The following SOS1 variants were observed in gnomAD, a reference collection of about 807,000 sequenced individuals.
SOS1 encodes son of sevenless homolog 1.
Under a neutral mutation model 157.6 loss-of-function variants are expected in SOS1, and 25 were observed. The ratio of observed to expected loss-of-function variants is 0.16; its 90% CI spans 0.12 to 0.22. The LOEUF (loss-of-function observed/expected upper bound fraction) is 0.22. SOS1 is among the 10% of genes least tolerant of loss of function. The pLI is 1.00. For synonymous variants in SOS1, 528 were observed against 534.0 expected (o/e 0.99, Z 0.16); for missense variants, 1,237 against 1,599.1 (o/e 0.77, Z 3.86).
Position 38,982,735 on chromosome 2 carries a change from G to C in SOS1, c.*3089C>G, listed in dbSNP as rs551049140. 1 of 152,134 alleles carries C rather than the reference G, an allele frequency of 6.6e-6. No homozygotes were observed. The highest frequency in any genetic ancestry group is 1.9e-4 in the East Asian group (1 of 5,178). 9.4% of individuals were successfully genotyped at this position (152,134 alleles called of 1,614,324 possible). ...CTGAATTTAAGCTGTCATATTAGAA[G>C]ACAAACAATGAAATACAAGATTAAG... On this transcript the variant is annotated 3_prime_UTR_variant, in exon 23 of 23. Coordinates refer to ENST00000402219, the MANE Select transcript of SOS1 (RefSeq NM_005633.4).
rs116212720 is a variant in SOS1, at chr2:39,048,752, T to C, written c.864+2392A>G. Among the ~76,000 whole-genome samples the C allele has an allele frequency of 6.3e-3, 956 of 152,290 alleles. 19 individuals carry two copies. The highest frequency in any genetic ancestry group is 0.022 in the African/African-American group (913 of 41,556). On this transcript the variant is annotated intron_variant, in intron 6 of 22. Transcript: ENST00000402219. ...TTCTATAGTTTCACTGCCATGTTTTTAGCTGTGTGTTTATTTTTATTTGTC... is the reference window on the plus strand; with the variant it reads ...TTCTATAGTTTCACTGCCATGTTTTCAGCTGTGTGTTTATTTTTATTTGTC...
intron 6 of SOS1, among the ~76,000 whole-genome samples, chr2:39,038,710 GC>G (rs1670442990): frequency 6.5e-5 from 1 of 15,406 alleles, no homozygotes; most frequent in African/African-American, 2.5e-4. Context: ...CTCCAGCCTG[GC>G]AACAAAATGA....
chr2:38,995,433 G>C (rs1277928224), intron 19 of SOS1, 46 bp from the exon 20 acceptor site: 6 of 1,531,564 alleles, frequency 3.9e-6, no homozygotes, highest in Non-Finnish European at 5.4e-6. Flanking sequence ...CACTGTAGTA[G>C]AAAGGAAAGT....
chr2:39,063,655 T>C (rs1222628351), intron 2 of SOS1, among the ~76,000 whole-genome samples: 1 of 152,202 alleles, frequency 6.6e-6, no homozygotes, highest in Non-Finnish European at 1.5e-5. Flanking sequence ...GCAAAACATG[T>C]ATGCAATCTA....
chr2:39,086,084 T>G (rs1453457571), intron 1 of SOS1, among the ~76,000 whole-genome samples: 1 of 152,176 alleles, frequency 6.6e-6, no homozygotes, highest in Non-Finnish European at 1.5e-5. Context: ...TTGCCAATCT[T>G]TAATAAACGT....
chr2:38,984,974 A>G lies in SOS1; in HGVS notation c.*850T>C, dbSNP rs939704775. ...ACGAGCCATGACATGGACTACCAGT[A>G]AACTTCTGTGGGAGAAGGAGGGAAA... On this transcript the variant is annotated 3_prime_UTR_variant, in exon 23 of 23. Coordinates refer to ENST00000402219, the MANE Select transcript of SOS1 (RefSeq NM_005633.4). 2 of 152,200 alleles carry G rather than the reference A, an allele frequency of 1.3e-5. No individual in the cohort carries two copies. The highest frequency in any genetic ancestry group is 4.1e-4 in the South Asian group (2 of 4,832). The allele number at this position is 152,200 out of a possible 1,614,324, so 9.4% of individuals were successfully genotyped here.
rs189167659 is a variant in SOS1, at chr2:39,070,880, T to G, written c.88-3127A>C. Among the ~76,000 whole-genome samples the G allele has an allele frequency of 5.1e-3, 772 of 152,316 alleles. 3 individuals carry two copies. The highest frequency in any genetic ancestry group is 0.02 in the Middle Eastern group (6 of 294). ...CCTCTATTTATTGTATTTGTTTATTTGAGATGGAGTCTCGCTCTGTCACTC... is the reference window on the plus strand; with the variant it reads ...CCTCTATTTATTGTATTTGTTTATTGGAGATGGAGTCTCGCTCTGTCACTC... On this transcript the variant is annotated intron_variant, in intron 1 of 22. Transcript: ENST00000402219.
intron 20 of SOS1, 24 bp downstream of exon 20, chr2:38,995,099 T>C: frequency 2.5e-6 from 4 of 1,606,006 alleles, no homozygotes; most frequent in Non-Finnish European, 3.4e-6. Context: ...AATACCTTAA[T>C]GCACTTAGAA....
chr2:39,110,027 T>TGTGTGTGTGC (rs1553371473), intron 1 of SOS1, among the ~76,000 whole-genome samples: 5 of 129,948 alleles, frequency 3.8e-5, no homozygotes, highest in African/African-American at 1.3e-4. Context: ...CAGATACAGT[T>TGTGTGTGTGC]GTGTGTGTGT....
intron 6 of SOS1, among the ~76,000 whole-genome samples, chr2:39,040,348 C>G (rs1282675530): frequency 6.6e-6 from 1 of 152,064 alleles, no homozygotes; most frequent in Non-Finnish European, 1.5e-5. Context: ...AAAATATACA[C>G]ATGAAAATTT....
At position 39,107,896 on chromosome 2, in the gene SOS1, T is replaced by TC. The variant is rs534876355; in HGVS notation, c.87+12439_87+12440insG. On this transcript the variant is annotated intron_variant, in intron 1 of 22. Coordinates refer to ENST00000402219, the MANE Select transcript of SOS1 (RefSeq NM_005633.4). ...AGAGCCATCCTCAAAGCCTTGAGGCTATACCTGCCTGTGATTATCAAGGAC... is the reference window on the plus strand; with the variant it reads ...AGAGCCATCCTCAAAGCCTTGAGGCTCATACCTGCCTGTGATTATCAAGGAC... 1.4e-3 allele frequency among the ~76,000 whole-genome samples: 211 copies of TC among 152,294 alleles called. 1 individual carries two copies. Among genetic ancestry groups the TC allele is most frequent in the African/African-American group, 4.6e-3 (193 of 41,558 alleles).
At chr2:39,094,322 A>T (rs1158037911) in intron 1 of SOS1, among the ~76,000 whole-genome samples, 1 of 152,116 alleles carries the variant, frequency 6.6e-6, no homozygotes, top group Non-Finnish European at 1.5e-5. Context: ...GCATACAAAC[A>T]GTACTTTTGG....
At chr2:39,041,914 GT>G (rs1400220413) in intron 6 of SOS1, among the ~76,000 whole-genome samples, 2 of 152,194 alleles carry the variant, frequency 1.3e-5, no homozygotes, top group African/African-American at 4.8e-5. Flanking sequence ...TGAATTATGT[GT>G]TATGGAATGA....
intron 1 of SOS1, among the ~76,000 whole-genome samples, chr2:39,101,443 G>A (rs936917516): frequency 6.6e-6 from 1 of 152,012 alleles, no homozygotes; most frequent in African/African-American, 2.4e-5. Flanking sequence ...ATTATGCCTA[G>A]ATCAACTGTT....
chr2:38,999,949 A>C (rs1413380926), intron 17 of SOS1, among the ~76,000 whole-genome samples: 2 of 152,200 alleles, frequency 1.3e-5, no homozygotes, highest in Non-Finnish European at 2.9e-5. Flanking sequence ...GGAAGGAGTT[A>C]AGACCAGTAA....
At chr2:38,997,513 T>G (rs1375180396) in intron 17 of SOS1, 88 bp from the exon 18 acceptor site, 3 of 844,648 alleles carry the variant, frequency 3.6e-6, no homozygotes, top group Non-Finnish European at 3.8e-6. Context: ...TATTACACTG[T>G]ACCATCTCAG....
Position 38,985,576 on chromosome 2 carries a change from T to G in SOS1, c.*248A>C. The G allele has an allele frequency of 2.1e-6, 1 of 473,040 alleles. No individual in the cohort carries two copies. 29.3% of individuals were successfully genotyped at this position (473,040 alleles called of 1,614,324 possible). ...TGCCTATTGGCCAGAAAAAGTCCCTTTATGATTTTCAGGTGCAATCAGTTG... is the reference window on the plus strand; with the variant it reads ...TGCCTATTGGCCAGAAAAAGTCCCTGTATGATTTTCAGGTGCAATCAGTTG... On this transcript the variant is annotated 3_prime_UTR_variant, in exon 23 of 23. Transcript: ENST00000402219.
intron 14 of SOS1, among the ~76,000 whole-genome samples, chr2:39,011,627 A>T (rs1214727242): frequency 1.3e-5 from 2 of 152,218 alleles, no homozygotes; most frequent in Non-Finnish European, 2.9e-5. Flanking sequence ...TCAGAAGGAC[A>T]TTTTTGAGAT....
At chr2:39,002,219 G>A (rs530810274) in intron 17 of SOS1, among the ~76,000 whole-genome samples, 6 of 89,592 alleles carry the variant, frequency 6.7e-5, no homozygotes, top group Non-Finnish European at 1.3e-4. Flanking sequence ...CCAGCTACTT[G>A]GGAGGCTGAG....
Sources: allele counts gnomAD v4.1 joint callset (sites outside exome capture counted in the v4.1 genomes callset), GRCh38; gene constraint gnomAD v4.1.1; transcripts MANE v1.5; gene names NCBI Gene and HGNC (gene_info 2026-07-23, HGNC 2026-07-21).